ANK2: variants seen among roughly 807,000 people sequenced by gnomAD.
ANK2 encodes ankyrin-2.
Under a neutral mutation model 360.5 loss-of-function variants are expected in ANK2, and 83 were observed. That is an observed-to-expected ratio of 0.23 (90% CI 0.19 to 0.28). The LOEUF (loss-of-function observed/expected upper bound fraction) is 0.28. Among genes scored for constraint, ANK2 ranks in the 10% least tolerant of loss-of-function variants. The probability of loss-of-function intolerance (pLI) is 1.00; values close to 1 mark genes in which losing one functional copy is unlikely to be tolerated. For missense variants in ANK2, 4,201 were observed against 4,795.7 expected (o/e 0.88, Z 3.66); for synonymous variants, 1,740 against 1,759.5 (o/e 0.99, Z 0.28).
intron 31 of ANK2, among the ~76,000 whole-genome samples, chr4:113,338,849 G>A (rs144736154): frequency 1.1e-3 from 165 of 151,946 alleles, no homozygotes; most frequent in Non-Finnish European, 2.0e-3. Flanking sequence ...GCGCCCGGCC[G>A]ATTGTTCACT....
chr4:112,987,903 G>C (rs1228561474), intron 2 of ANK2, among the ~76,000 whole-genome samples: 1 of 152,020 alleles, frequency 6.6e-6, no homozygotes. Flanking sequence ...TACAAAAATA[G>C]TATACCATTT....
intron 1 of ANK2, among the ~76,000 whole-genome samples, chr4:113,076,444 T>C (rs1268029144): frequency 6.6e-6 from 1 of 152,190 alleles, no homozygotes; most frequent in Non-Finnish European, 1.5e-5. Context: ...ACCAACCTTT[T>C]TGAAGGAGAT....
chr4:113,364,325 A>G (rs1417482580), intron 40 of ANK2, among the ~76,000 whole-genome samples: 2 of 152,210 alleles, frequency 1.3e-5, no homozygotes, highest in Non-Finnish European at 2.9e-5. Context: ...ATTGTTTTCT[A>G]AGAATCTATC....
intron 1 of ANK2, among the ~76,000 whole-genome samples, chr4:113,170,158 T>C (rs2097893780): frequency 1.3e-5 from 2 of 152,204 alleles, no homozygotes; most frequent in Non-Finnish European, 2.9e-5. Context: ...GGAGAGGAAA[T>C]TACTATTGGG....
intron 1 of ANK2, among the ~76,000 whole-genome samples, chr4:112,822,202 A>T (rs1223272636): frequency 6.7e-6 from 1 of 149,024 alleles, no homozygotes; most frequent in Admixed American, 6.8e-5. Context: ...GGAGATTGAG[A>T]CCATCCTGGC....
rs140462708 is a variant in ANK2, at chr4:113,354,737, G to C, written c.6119G>C (p.Arg2040Thr). Residue 2040 changes from arginine (R) to threonine (T), a missense_variant, in exon 38 of 46, where the codon AGA (arginine) becomes ACA (threonine). Arg to Thr is a moderately conservative substitution (Grantham distance 71). Around this residue, in one of 4 missense-constraint regions of ANK2, gnomAD observed 2,642 missense variants for 2,714.5 expected, o/e 0.97. Coordinates refer to ENST00000357077, the MANE Select transcript of ANK2 (RefSeq NM_001148.6). The part of the protein sequence containing the change: ...EKEKGPILTQ[R>T]EAQKTENQTI... ...GAAAAGGGGCCGATACTAACCCAGA[G>C]AGAAGCTCAGAAAACAGAGAATCAG... 1.9e-6 allele frequency: 3 copies of C among 1,613,538 alleles called. No homozygotes were observed. In the African/African-American group the frequency reaches 4.0e-5, roughly 22 times the overall value.
chr4:112,947,076 A>T (rs538995923), intron 2 of ANK2, among the ~76,000 whole-genome samples: 27 of 152,116 alleles, frequency 1.8e-4, no homozygotes, highest in Non-Finnish European at 3.4e-4. Flanking sequence ...GTGAATGGGT[A>T]TTGCATGCTT....
chr4:113,177,282 A>G (rs1012240651), intron 2 of ANK2, among the ~76,000 whole-genome samples: 1 of 151,584 alleles, frequency 6.6e-6, no homozygotes. Context: ...GGGTTTCACC[A>G]TGTTAGCCAG....
chr4:113,361,029 T>G, intron 39 of ANK2, 132 bp downstream of exon 39: 1 of 832,726 alleles, frequency 1.2e-6, no homozygotes, highest in Non-Finnish European at 2.0e-6. Flanking sequence ...AACTAAGAAC[T>G]AGAAAACCTG....
intron 1 of ANK2, among the ~76,000 whole-genome samples, chr4:113,063,156 G>C (rs768907038): frequency 6.6e-6 from 1 of 151,944 alleles, no homozygotes; most frequent in African/African-American, 2.4e-5. Context: ...ATGAGTGTGT[G>C]TATTTGAGCC....
intron 2 of ANK2, among the ~76,000 whole-genome samples, chr4:113,036,797 G>A (rs1404641831): frequency 6.6e-6 from 1 of 151,724 alleles, no homozygotes; most frequent in Non-Finnish European, 1.5e-5. Context: ...CAAGATGTTG[G>A]TATAGCAAGC....
intron 11 of ANK2, 81 bp downstream of exon 11, chr4:113,256,013 A>T (rs1394095620): frequency 1.4e-6 from 2 of 1,475,232 alleles, no homozygotes; most frequent in African/African-American, 2.8e-5. Flanking sequence ...TGCATACACC[A>T]GCAATGCAAG....
chr4:112,924,240 GC>G (rs2092158284), intron 2 of ANK2, among the ~76,000 whole-genome samples: 1 of 151,806 alleles, frequency 6.6e-6, no homozygotes, highest in African/African-American at 2.4e-5. Flanking sequence ...TGGTGGTGGG[GC>G]CCCTGTAATC....
intron 1 of ANK2, among the ~76,000 whole-genome samples, chr4:112,836,078 A>G (rs1288632048): frequency 1.3e-5 from 2 of 152,064 alleles, no homozygotes; most frequent in Non-Finnish European, 2.9e-5. Flanking sequence ...TTGTGTCCCT[A>G]CCCAAATCTC....
At chr4:112,984,098 C>T (rs928724411) in intron 2 of ANK2, among the ~76,000 whole-genome samples, 2 of 152,086 alleles carry the variant, frequency 1.3e-5, no homozygotes, top group African/African-American at 2.4e-5. Flanking sequence ...GGAATCATAA[C>T]CAAAAGTTTT....
intron 1 of ANK2, among the ~76,000 whole-genome samples, chr4:113,054,980 C>A (rs937833125): frequency 6.6e-6 from 1 of 152,138 alleles, no homozygotes; most frequent in South Asian, 2.1e-4. Context: ...ACCAGAATTA[C>A]CTGGGTTGTC....
the ANK2 span, among the ~76,000 whole-genome samples, chr4:112,783,628 A>AT: frequency 1.1e-3 from 162 of 141,212 alleles, 1 homozygote; most frequent in East Asian, 4.6e-3. Flanking sequence ...ATGTTGATAT[A>AT]TTATTTATTT....
intron 19 of ANK2, among the ~76,000 whole-genome samples, chr4:113,288,071 C>G (rs2065594050): frequency 6.6e-6 from 1 of 152,168 alleles, no homozygotes; most frequent in African/African-American, 2.4e-5. Context: ...AAAATTCTTA[C>G]CCATTCTTTA....
chr4:113,035,247 G>T (rs62314881), intron 2 of ANK2, among the ~76,000 whole-genome samples: 29,400 of 151,344 alleles, frequency 0.19, 3,107 homozygotes, highest in East Asian at 0.45. Context: ...AAAATACAGA[G>T]GCATATTAAG....
Sources: gnomAD v4.1 joint callset for allele counts (sites outside exome capture counted in the v4.1 genomes callset) on GRCh38, gnomAD v4.1.1 for gene constraint, gnomAD v4.1.1 regional missense constraint, MANE v1.5 for transcripts, NCBI Gene and HGNC (gene_info 2026-07-23, HGNC 2026-07-21) for gene names.